LRTM1: variants seen among roughly 807,000 people sequenced by gnomAD.
LRTM1 encodes the protein leucine rich repeat transmembrane protein 1, also known as leucine-rich repeat and transmembrane domain-containing protein 1.
A neutral mutation model predicts 32.4 loss-of-function variants in LRTM1; 38 were observed. The observed-to-expected ratio is 1.17, with a 90% CI of 0.91 to 1.54. The LOEUF is 1.54. LRTM1 is among the 40% of genes most tolerant of loss of function. The probability of loss-of-function intolerance (pLI) is 0.00; values close to 1 mark genes in which losing one functional copy is unlikely to be tolerated. For missense variants in LRTM1, 466 were observed against 415.4 expected (o/e 1.12, Z -1.06); for synonymous variants, 186 against 169.9 (o/e 1.09, Z -0.74).
chr3:54,933,034 T>G (rs1378583338), upstream of LRTM1, among the ~76,000 whole-genome samples: 6 of 135,672 alleles, frequency 4.4e-5, no homozygotes, highest in Non-Finnish European at 9.0e-5. Flanking sequence ...AATATTGTCT[T>G]CCATCCATCC....
intron 1 of LRTM1, among the ~76,000 whole-genome samples, chr3:54,965,040 C>T (rs779487294): frequency 1.4e-4 from 21 of 152,104 alleles, no homozygotes; most frequent in African/African-American, 3.6e-4. Flanking sequence ...ATGGCACCAA[C>T]GGCAGATGTC....
Position 54,924,710 on chromosome 3 carries a change from A to C in LRTM1, c.513T>G (p.Ser171Arg). 1 of 1,614,106 alleles carries C rather than the reference A, an allele frequency of 6.2e-7. No individual in the cohort carries two copies. Among genetic ancestry groups the C allele is most frequent in the Non-Finnish European group, 8.5e-7 (1 of 1,180,020 alleles). ...LDRALLESMP[S>R]VRLLLLKDNL... ...TGTCCTTGAGAAGTAAAAGCCTCAC[A>C]CTGGGCATGGATTCCAGGAGCGCTC... The change falls in exon 2 of 3, where the codon AGT (serine) becomes AGG (arginine). Residue 171 changes from serine to arginine, a missense_variant. Ser to Arg is a moderately radical substitution (Grantham distance 110). Coordinates refer to ENST00000273286, the MANE Select transcript of LRTM1 (RefSeq NM_020678.4).
At chr3:54,963,165 C>T (rs1459642645) in intron 1 of LRTM1, among the ~76,000 whole-genome samples, 1 of 152,146 alleles carries the variant, frequency 6.6e-6, no homozygotes, top group African/African-American at 2.4e-5. Flanking sequence ...AGGGTTCATT[C>T]AAACTCATTT....
At chr3:54,919,184 C>G (rs1700761931) in intron 2 of LRTM1, among the ~76,000 whole-genome samples, 1 of 152,194 alleles carries the variant, frequency 6.6e-6, no homozygotes, top group African/African-American at 2.4e-5. Context: ...CAAAAGCTGA[C>G]AAGAAGGCAC....
chr3:54,966,806 G>A (rs1223133719), intron 1 of LRTM1: 1 of 152,172 alleles, frequency 6.6e-6, no homozygotes, highest in Admixed American at 6.5e-5. Flanking sequence ...ACAGCAGAGT[G>A]AGATTCTGTC....
In LRTM1 at chr3:54,924,681, A is replaced by G; in HGVS notation, c.542T>C (p.Leu181Pro). ...SVRLLLLKDN[L>P]WKCNCHLLGL... ...GAGCAAGTGGCAATTGCATTTCCAG[A>G]GGTTGTCCTTGAGAAGTAAAAGCCT... Residue 181 changes from leucine (L) to proline (P), a missense_variant, in exon 2 of 3, where the codon CTC (leucine) becomes CCC (proline). By Grantham distance (98) the Leu-to-Pro change is moderately conservative (BLOSUM62 -3). Coordinates refer to ENST00000273286, the MANE Select transcript of LRTM1 (RefSeq NM_020678.4). The G allele has an allele frequency of 1.2e-6, 2 of 1,614,088 alleles. No homozygotes were observed. The highest frequency in any genetic ancestry group is 1.7e-6 in the Non-Finnish European group (2 of 1,180,008).
At chr3:54,924,517 C>A in intron 2 of LRTM1, 102 bp downstream of exon 2, 1 of 963,870 alleles carries the variant, frequency 1.0e-6, no homozygotes, top group Non-Finnish European at 1.6e-6. Flanking sequence ...CCAAATCCAC[C>A]CCTTACACAC....
At chr3:54,930,105 G>A (rs952561461), upstream of LRTM1, among the ~76,000 whole-genome samples, 21 of 152,316 alleles carry the variant, frequency 1.4e-4, no homozygotes, top group African/African-American at 4.8e-4. Context: ...AAATCAATGG[G>A]TGTGCCTGCA....
At chr3:54,931,456 C>T (rs1303043286), upstream of LRTM1, among the ~76,000 whole-genome samples, 1 of 152,144 alleles carries the variant, frequency 6.6e-6, no homozygotes, top group African/African-American at 2.4e-5. Flanking sequence ...CCTTTTCTTT[C>T]TCCCTCCCTC....
chr3:54,919,486 C>T (rs1374324021), intron 2 of LRTM1, among the ~76,000 whole-genome samples: 1 of 152,166 alleles, frequency 6.6e-6, no homozygotes, highest in Non-Finnish European at 1.5e-5. Flanking sequence ...TGTGTCTCCT[C>T]AGGCCTCAGA....
chr3:54,925,147 A>G lies in LRTM1; in HGVS notation c.76T>C (p.Tyr26His). ...ACAAAATTTGTAGATGACTGACAGT[A>G]ACACTTGTCCGGGCAGCTGCATACC... ...QVVCSCPDKC[Y>H]CQSSTNFVDC... Residue 26 changes from tyrosine to histidine, a missense_variant, in exon 2 of 3, where the codon TAC (tyrosine) becomes CAC (histidine). Tyr to His is a moderately conservative substitution (Grantham distance 83, BLOSUM62 2). Coordinates refer to ENST00000273286, the MANE Select transcript of LRTM1 (RefSeq NM_020678.4). The G allele has an allele frequency of 6.2e-7, 1 of 1,614,080 alleles. No homozygotes were observed. Among genetic ancestry groups the G allele is most frequent in the Non-Finnish European group, 8.5e-7 (1 of 1,180,012 alleles).
intron 1 of LRTM1, among the ~76,000 whole-genome samples, chr3:54,948,497 A>G (rs1701672288): frequency 6.6e-6 from 1 of 152,226 alleles, no homozygotes; most frequent in Non-Finnish European, 1.5e-5. Flanking sequence ...AGTATGGGCA[A>G]AGGTAGCATC....
chr3:54,930,761 A>G (rs1459712374), upstream of LRTM1, among the ~76,000 whole-genome samples: 2 of 152,232 alleles, frequency 1.3e-5, no homozygotes, highest in African/African-American at 4.8e-5. Flanking sequence ...ATCAAGTGAT[A>G]CTTAAGTGCC....
chr3:54,937,123 A>G (rs1265273801), intron 1 of LRTM1, among the ~76,000 whole-genome samples: 1 of 152,166 alleles, frequency 6.6e-6, no homozygotes, highest in African/African-American at 2.4e-5. Flanking sequence ...CTGAAGGTGA[A>G]GACACCCTTA....
At chr3:54,965,837 C>G (rs1338020008) in intron 1 of LRTM1, among the ~76,000 whole-genome samples, 1 of 152,126 alleles carries the variant, frequency 6.6e-6, no homozygotes, top group African/African-American at 2.4e-5. Context: ...GCAACAACCT[C>G]ATGGTGCAGG....
At chr3:54,929,310 T>C (rs1436145567), upstream of LRTM1, among the ~76,000 whole-genome samples, 1 of 152,136 alleles carries the variant, frequency 6.6e-6, no homozygotes, top group Non-Finnish European at 1.5e-5. Context: ...CAATTTTGCA[T>C]GAGAAAGGCT....
At chr3:54,942,014 G>A (rs1325723714) in intron 1 of LRTM1, among the ~76,000 whole-genome samples, 1 of 152,198 alleles carries the variant, frequency 6.6e-6, no homozygotes, top group Non-Finnish European at 1.5e-5. Context: ...CATCACAAGT[G>A]GTATTCTTGG....
intron 1 of LRTM1, among the ~76,000 whole-genome samples, chr3:54,941,587 C>T (rs1313007136): frequency 6.6e-6 from 1 of 152,156 alleles, no homozygotes; most frequent in Non-Finnish European, 1.5e-5. Flanking sequence ...TATCATTGCT[C>T]CCCTCACAAT....
chr3:54,952,396 T>C (rs1298085044), intron 1 of LRTM1, among the ~76,000 whole-genome samples: 4 of 152,146 alleles, frequency 2.6e-5, no homozygotes, highest in African/African-American at 9.7e-5. Flanking sequence ...GTCTGGAGGC[T>C]CTGGAAGATG....
Sources: allele counts gnomAD v4.1 joint callset (sites outside exome capture counted in the v4.1 genomes callset), GRCh38; gene constraint gnomAD v4.1.1; transcripts MANE v1.5; gene names NCBI Gene and HGNC (gene_info 2026-07-23, HGNC 2026-07-21).